The following SHC3 variants were observed in gnomAD, a reference collection of about 807,000 sequenced individuals.
The protein encoded by SHC3 is SHC adaptor protein 3, also known as SHC-transforming protein 3.
A neutral mutation model predicts 60.4 loss-of-function variants in SHC3; 15 were observed. The ratio of observed to expected loss-of-function variants is 0.25; its 90% CI spans 0.17 to 0.38. The LOEUF is 0.38. Among genes scored for constraint, SHC3 ranks in the 10% least tolerant of loss-of-function variants. The probability of loss-of-function intolerance (pLI) is 1.00; values close to 1 mark genes in which losing one functional copy is unlikely to be tolerated. For missense variants in SHC3, 677 were observed against 786.1 expected (o/e 0.86, Z 1.66); for synonymous variants, 294 against 325.9 (o/e 0.90, Z 1.05).
chr9:89,148,289 G>A (rs1358106814), intron 1 of SHC3, among the ~76,000 whole-genome samples: 1 of 152,148 alleles, frequency 6.6e-6, no homozygotes, highest in Non-Finnish European at 1.5e-5. Flanking sequence ...TTGAGAACTT[G>A]GACATTGTAG....
intron 4 of SHC3, among the ~76,000 whole-genome samples, chr9:89,073,893 G>C (rs920100671): frequency 6.6e-6 from 1 of 152,234 alleles, no homozygotes; most frequent in African/African-American, 2.4e-5. Context: ...CATGAACAGC[G>C]CAGTCTTGGA....
At chr9:89,155,041 T>A (rs953944049) in intron 1 of SHC3, among the ~76,000 whole-genome samples, 4 of 152,126 alleles carry the variant, frequency 2.6e-5, no homozygotes, top group Non-Finnish European at 5.9e-5. Context: ...TCTTAGAAAA[T>A]TCGTTATCTA....
At chr9:89,097,776 C>T (rs79329353) in intron 2 of SHC3, among the ~76,000 whole-genome samples, 2,035 of 152,276 alleles carry the variant, frequency 0.013, 20 homozygotes, top group South Asian at 0.034. Context: ...AATCTCAAAC[C>T]CAAGTTTGCA....
intron 1 of SHC3, among the ~76,000 whole-genome samples, chr9:89,157,773 C>T (rs1246947870): frequency 5.9e-5 from 9 of 152,006 alleles, no homozygotes; most frequent in Admixed American, 2.6e-4. Flanking sequence ...CCTGCCACCA[C>T]GCCAGGCTAA....
chr9:89,125,795 C>G (rs920386055), intron 1 of SHC3, among the ~76,000 whole-genome samples: 1 of 152,076 alleles, frequency 6.6e-6, no homozygotes, highest in Middle Eastern at 3.2e-3. Flanking sequence ...AGGGAAGGAA[C>G]CCTCAGTTCC....
intron 2 of SHC3, among the ~76,000 whole-genome samples, chr9:89,082,392 G>T (rs2118030127): frequency 6.6e-6 from 1 of 152,284 alleles, no homozygotes; most frequent in African/African-American, 2.4e-5. Context: ...CAGCACCTCT[G>T]CCAGGCTATA....
intron 1 of SHC3, among the ~76,000 whole-genome samples, chr9:89,136,038 G>A (rs1312404470): frequency 6.6e-6 from 1 of 152,080 alleles, no homozygotes; most frequent in African/African-American, 2.4e-5. Context: ...TTTTGTCAGA[G>A]CTCAAGAGTC....
At chr9:89,095,097 C>A (rs766981076) in intron 2 of SHC3, among the ~76,000 whole-genome samples, 29 of 152,222 alleles carry the variant, frequency 1.9e-4, no homozygotes, top group Non-Finnish European at 3.1e-4. Flanking sequence ...GCCATATGAT[C>A]CAGCAACCCC....
chr9:89,167,456 A>G (rs1826806316), intron 1 of SHC3, among the ~76,000 whole-genome samples: 1 of 152,188 alleles, frequency 6.6e-6, no homozygotes, highest in African/African-American at 2.4e-5. Context: ...CCATGATCCC[A>G]TCAGTCATAT....
chr9:89,129,401 A>G (rs545287936), intron 1 of SHC3, among the ~76,000 whole-genome samples: 6 of 152,332 alleles, frequency 3.9e-5, no homozygotes, highest in African/African-American at 1.2e-4. Flanking sequence ...CAGGAAATAC[A>G]GAGAATGACA....
chr9:89,080,970 A>T (rs1049040896), intron 2 of SHC3, among the ~76,000 whole-genome samples: 1 of 151,936 alleles, frequency 6.6e-6, no homozygotes, highest in Non-Finnish European at 1.5e-5. Flanking sequence ...GTTTCACCGT[A>T]TTAGCCAGGA....
chr9:89,053,471 C>T (rs553929470), intron 6 of SHC3, among the ~76,000 whole-genome samples: 6 of 152,314 alleles, frequency 3.9e-5, no homozygotes, highest in South Asian at 4.2e-4. Context: ...CAGCATAATA[C>T]GGCACTGGGA....
intron 1 of SHC3, among the ~76,000 whole-genome samples, chr9:89,149,000 A>C (rs1021700111): frequency 1.3e-5 from 2 of 152,244 alleles, no homozygotes; most frequent in Non-Finnish European, 1.5e-5. Flanking sequence ...GTTATGTGTG[A>C]ACATTCAGCA....
At chr9:89,043,229 C>T (rs1307879314) in intron 9 of SHC3, among the ~76,000 whole-genome samples, 2 of 152,214 alleles carry the variant, frequency 1.3e-5, no homozygotes, top group Non-Finnish European at 2.9e-5. Context: ...GTCTCCCAGG[C>T]TGTAGGTGTG....
intron 1 of SHC3, among the ~76,000 whole-genome samples, chr9:89,123,287 C>G (rs1276913916): frequency 6.6e-6 from 1 of 152,052 alleles, no homozygotes; most frequent in Non-Finnish European, 1.5e-5. Flanking sequence ...TATTTTCCAC[C>G]AAAAAAGACC....
intron 5 of SHC3, 126 bp from the exon 6 acceptor site, chr9:89,065,706 C>T: frequency 1.1e-6 from 1 of 921,390 alleles, no homozygotes; most frequent in Non-Finnish European, 1.7e-6. Context: ...GAATCAAATG[C>T]TGCCTAAGAA....
At chr9:89,153,399 A>C (rs1826573478) in intron 1 of SHC3, among the ~76,000 whole-genome samples, 1 of 152,124 alleles carries the variant, frequency 6.6e-6, no homozygotes, top group Non-Finnish European at 1.5e-5. Flanking sequence ...TAACACCACA[A>C]ACATCACCTA....
In SHC3 at chr9:89,110,991, C is replaced by A. The variant is rs192836163; in HGVS notation, c.545+1565G>T. On this transcript the variant is annotated intron_variant, in intron 2 of 11. Transcript: ENST00000375835. ...AACTGTAATTATTCACTTGTTCCCC[C>A]ACCCCACCACTACCCCAAGGAGCAG... 8.9e-4 allele frequency among the ~76,000 whole-genome samples: 135 copies of A among 152,260 alleles called. 1 individual carries two copies. Among genetic ancestry groups the A allele is most frequent in the Middle Eastern group, 3.4e-3 (1 of 294 alleles).
chr9:89,072,095 C>T (rs1825283585), intron 4 of SHC3, among the ~76,000 whole-genome samples: 1 of 152,144 alleles, frequency 6.6e-6, no homozygotes, highest in South Asian at 2.1e-4. Flanking sequence ...GTATGGTTTG[C>T]AATATTGACT....
Sources: gnomAD v4.1 joint callset for allele counts (sites outside exome capture counted in the v4.1 genomes callset) on GRCh38, gnomAD v4.1.1 for gene constraint, MANE v1.5 for transcripts, NCBI Gene and HGNC (gene_info 2026-07-23, HGNC 2026-07-21) for gene names.